The following SCAI variants were observed in gnomAD, a reference collection of about 807,000 sequenced individuals.
SCAI encodes the protein suppressor of cancer cell invasion.
In SCAI, 24 loss-of-function variants were observed where a neutral mutation model predicts 92.2. The observed-to-expected ratio is 0.26, with a 90% CI of 0.19 to 0.37. SCAI has a LOEUF of 0.37. Ranked by LOEUF, SCAI falls within the 10% of genes least tolerant of loss-of-function variation. The pLI is 1.00. For missense variants in SCAI, 450 were observed against 736.2 expected (o/e 0.61, Z 4.50); for synonymous variants, 261 against 258.6 (o/e 1.01, Z -0.09).
At chr9:125,066,065 TGAATA>T (rs1833863123) in intron 2 of SCAI, 1 of 737,206 alleles carries the variant, frequency 1.4e-6, no homozygotes, top group South Asian at 1.6e-5. Context: ...GATACTGTAT[TGAATA>T]AAGAAAAAAA....
chr9:125,024,713 G>A (rs888671524), intron 6 of SCAI, among the ~76,000 whole-genome samples: 1 of 152,084 alleles, frequency 6.6e-6, no homozygotes, highest in African/African-American at 2.4e-5. Context: ...GTGGCTCACC[G>A]TAACATCTCC....
chr9:125,075,365 A>G (rs956589034), intron 2 of SCAI, among the ~76,000 whole-genome samples: 2 of 151,920 alleles, frequency 1.3e-5, no homozygotes, highest in Non-Finnish European at 2.9e-5. Flanking sequence ...CTATATTTCT[A>G]TTTAGTCTGT....
Position 124,946,649 on chromosome 9 carries a change from T to C in SCAI, c.*6158A>G, listed in dbSNP as rs1429998489. On this transcript the variant is annotated 3_prime_UTR_variant, in exon 18 of 18. Transcript: ENST00000336505. The surrounding 1 kb of genome is among the most constrained non-coding windows in gnomAD (Gnocchi z 4.0). ...TGGCAACATTCTATAGGTTCACAAA[T>C]TGGCATTGCACGTATTTACTATCCT... 3 of 152,210 alleles carry C rather than the reference T, an allele frequency of 2.0e-5. No homozygotes were observed. Among genetic ancestry groups the C allele is most frequent in the African/African-American group, 7.2e-5 (3 of 41,450 alleles). The allele number at this position is 152,210 out of a possible 1,614,324, so 9.4% of individuals were successfully genotyped here.
chr9:125,030,932 T>C (rs1435221503), intron 3 of SCAI, among the ~76,000 whole-genome samples: 6 of 152,228 alleles, frequency 3.9e-5, no homozygotes, highest in Admixed American at 3.3e-4. Context: ...TACTAATGCA[T>C]AACTGTAAAA....
At chr9:124,954,721 C>G (rs951597755) in intron 17 of SCAI, among the ~76,000 whole-genome samples, 2 of 152,176 alleles carry the variant, frequency 1.3e-5, no homozygotes, top group Non-Finnish European at 1.5e-5. Context: ...TTCGTCACCC[C>G]CAAAAGAAGC....
At chr9:125,003,392 G>A in intron 10 of SCAI, 77 bp downstream of exon 10, 1 of 1,084,850 alleles carries the variant, frequency 9.2e-7, no homozygotes. Context: ...TGTAGTATCT[G>A]TTGAATAATC....
chr9:124,960,792 T>C (rs941329844), intron 17 of SCAI, among the ~76,000 whole-genome samples: 3 of 152,208 alleles, frequency 2.0e-5, no homozygotes, highest in Admixed American at 1.3e-4. Flanking sequence ...AACTTTAATT[T>C]TGTGCATTTC....
At chr9:124,954,822 T>G (rs537707662) in intron 17 of SCAI, among the ~76,000 whole-genome samples, 15 of 152,086 alleles carry the variant, frequency 9.9e-5, no homozygotes, top group South Asian at 2.1e-4. Context: ...TATCAAAAAA[T>G]TTGCTTATTC....
chr9:125,123,567 G>A (rs1485477439), intron 2 of SCAI, among the ~76,000 whole-genome samples: 2 of 152,194 alleles, frequency 1.3e-5, no homozygotes, highest in Admixed American at 1.3e-4. Context: ...ACGAGGTCAG[G>A]AGATCGAGAA....
rs1042806131 is a variant in SCAI at position 125,023,514 on chromosome 9, G to T, written c.513-2745C>A. On this transcript the variant is annotated intron_variant, in intron 6 of 17. Transcript: ENST00000336505. ...AATGACTTAATTCTGTTACTTTTTT[G>T]ATTAAAAAATAGGTTCTATGAATCT... is the stretch of plus-strand genomic sequence containing the variant. 5.9e-5 allele frequency among the ~76,000 whole-genome samples: 9 copies of T among 151,928 alleles called. No individual in the cohort carries two copies. The South Asian group carries it at 1.7e-3, about 28-fold the overall frequency.
intron 2 of SCAI, among the ~76,000 whole-genome samples, chr9:125,127,267 C>T (rs1835296891): frequency 6.6e-6 from 1 of 152,176 alleles, no homozygotes; most frequent in Non-Finnish European, 1.5e-5. Context: ...AATCAACCTT[C>T]CACCCTTCTC....
chr9:125,023,359 T>C (rs1272094908), intron 6 of SCAI, among the ~76,000 whole-genome samples: 4 of 152,216 alleles, frequency 2.6e-5, no homozygotes, highest in Admixed American at 6.5e-5. Flanking sequence ...AAAAGGATGA[T>C]TGTCCTATTT....
At chr9:125,137,603 C>A (rs1260666221) in intron 2 of SCAI, among the ~76,000 whole-genome samples, 2 of 152,008 alleles carry the variant, frequency 1.3e-5, no homozygotes, top group African/African-American at 4.8e-5. Context: ...AAGAAGCAAT[C>A]TTTATTTATT....
At chr9:124,961,504 G>C (rs958641257) in intron 17 of SCAI, among the ~76,000 whole-genome samples, 7 of 151,744 alleles carry the variant, frequency 4.6e-5, no homozygotes, top group African/African-American at 1.7e-4. Context: ...ACAAAAATTA[G>C]CTGGGCGTGG....
chr9:124,978,946 C>T (rs1831818137), intron 14 of SCAI, among the ~76,000 whole-genome samples: 1 of 152,084 alleles, frequency 6.6e-6, no homozygotes, highest in East Asian at 1.9e-4. Context: ...CTGTAACCTC[C>T]GCTGCCCAGG....
chr9:125,042,486 CCTCT>C (rs1012564186), intron 3 of SCAI, among the ~76,000 whole-genome samples: 1 of 151,918 alleles, frequency 6.6e-6, no homozygotes, highest in African/African-American at 2.4e-5. Flanking sequence ...CTTTATCAGT[CCTCT>C]CTATGGCATT....
At chr9:125,129,446 TAGAA>T (rs1240635067) in intron 2 of SCAI, among the ~76,000 whole-genome samples, 1 of 138,622 alleles carries the variant, frequency 7.2e-6, no homozygotes, top group African/African-American at 2.6e-5. Flanking sequence ...ATGAAAGAAT[TAGAA>T]TTTCTTTTTT....
At chr9:125,013,746 A>T (rs1312509201) in intron 9 of SCAI, among the ~76,000 whole-genome samples, 11 of 152,200 alleles carry the variant, frequency 7.2e-5, no homozygotes, top group Non-Finnish European at 1.6e-4. Context: ...TTTTAGACCA[A>T]TATCCTTGAT....
chr9:125,033,987 C>T (rs542865995), intron 3 of SCAI, among the ~76,000 whole-genome samples: 3 of 152,200 alleles, frequency 2.0e-5, no homozygotes, highest in South Asian at 4.2e-4. Flanking sequence ...GGGAAATAGA[C>T]GACACACAAG....
Sources: allele counts gnomAD v4.1 joint callset (sites outside exome capture counted in the v4.1 genomes callset), GRCh38; gene constraint gnomAD v4.1.1; non-coding constraint Gnocchi (gnomAD v3.1); transcripts MANE v1.5; gene names NCBI Gene and HGNC (gene_info 2026-07-23, HGNC 2026-07-21).